NCEH1: variants seen among roughly 807,000 people sequenced by gnomAD.
NCEH1 encodes 2-acetyl MAGE hydrolase.
Under a neutral mutation model 25.4 loss-of-function variants are expected in NCEH1, and 9 were observed. That is an observed-to-expected ratio of 0.35 (90% CI 0.21 to 0.62). NCEH1 has a LOEUF of 0.62. NCEH1 is among the 20% of genes least tolerant of loss of function. The pLI is 0.72. For synonymous variants in NCEH1, 200 were observed against 199.8 expected, an observed-to-expected ratio of 1.00 and a Z score of -0.01; for missense variants, 412 against 501.1, an observed-to-expected ratio of 0.82 and a Z score of 1.70.
chr3:172,651,520 T>C (rs1717403813), intron 1 of NCEH1, among the ~76,000 whole-genome samples: 1 of 152,152 alleles, frequency 6.6e-6, no homozygotes, highest in African/African-American at 2.4e-5. Flanking sequence ...CGGGAGTTCC[T>C]TCCTTCCTTT....
At chr3:172,647,409 T>G (rs1200986656) in intron 2 of NCEH1, among the ~76,000 whole-genome samples, 4 of 152,240 alleles carry the variant, frequency 2.6e-5, no homozygotes, top group African/African-American at 9.6e-5. Flanking sequence ...TTTGCTTTCA[T>G]AAGCAGATAA....
intron 1 of NCEH1, among the ~76,000 whole-genome samples, chr3:172,671,759 G>T (rs1711648768): frequency 6.6e-6 from 1 of 151,670 alleles, no homozygotes; most frequent in Non-Finnish European, 1.5e-5. Context: ...CATGCACACA[G>T]GCACACACAT....
At chr3:172,708,707 A>C (rs1395951208) in intron 1 of NCEH1, among the ~76,000 whole-genome samples, 1 of 152,240 alleles carries the variant, frequency 6.6e-6, no homozygotes, top group Admixed American at 6.5e-5. Flanking sequence ...CACATAAATT[A>C]CTTCCAGTTT....
At chr3:172,667,143 G>C (rs1436094388) in intron 1 of NCEH1, among the ~76,000 whole-genome samples, 2 of 152,324 alleles carry the variant, frequency 1.3e-5, no homozygotes, top group Non-Finnish European at 2.9e-5. Flanking sequence ...GTTTTCAACA[G>C]TTAGGAGTAA....
At chr3:172,709,315 T>C (rs973949969) in intron 1 of NCEH1, among the ~76,000 whole-genome samples, 1 of 152,236 alleles carries the variant, frequency 6.6e-6, no homozygotes. Context: ...TTCCTCTGTT[T>C]AAGTTATTGT....
intron 1 of NCEH1, among the ~76,000 whole-genome samples, chr3:172,698,946 G>A (rs76876731): frequency 0.027 from 4,056 of 152,200 alleles, 142 homozygotes; most frequent in East Asian, 0.087. Context: ...TATCGTGAAT[G>A]GTCTTCAAAC....
chr3:172,701,367 C>CTG, intron 1 of NCEH1, among the ~76,000 whole-genome samples: 1 of 151,738 alleles, frequency 6.6e-6, no homozygotes, highest in Non-Finnish European at 1.5e-5. Context: ...AACAGCAACT[C>CTG]TGATCAGCTT....
intron 1 of NCEH1, among the ~76,000 whole-genome samples, chr3:172,707,471 G>A (rs781601960): frequency 6.8e-4 from 103 of 152,174 alleles, no homozygotes; most frequent in Admixed American, 2.0e-4. Flanking sequence ...AATATAACAC[G>A]CAGTTTAAGG....
chr3:172,649,104 C>A (rs1248001333), intron 1 of NCEH1, among the ~76,000 whole-genome samples: 1 of 152,274 alleles, frequency 6.6e-6, no homozygotes, highest in East Asian at 1.9e-4. Flanking sequence ...CTGTGCACAG[C>A]GTACGACGGT....
At chr3:172,691,493 T>C (rs921074066) in intron 1 of NCEH1, among the ~76,000 whole-genome samples, 23 of 152,304 alleles carry the variant, frequency 1.5e-4, no homozygotes, top group Non-Finnish European at 3.1e-4. Flanking sequence ...ATGTGAGTGT[T>C]TACTTTGTGC....
intron 1 of NCEH1, among the ~76,000 whole-genome samples, chr3:172,708,959 A>G (rs2108234712): frequency 6.6e-6 from 1 of 152,342 alleles, no homozygotes; most frequent in African/African-American, 2.4e-5. Flanking sequence ...ATCTGATCAT[A>G]ATGATCTTTC....
At chr3:172,677,373 A>C (rs1712069744) in intron 1 of NCEH1, among the ~76,000 whole-genome samples, 1 of 152,268 alleles carries the variant, frequency 6.6e-6, no homozygotes, top group Admixed American at 6.5e-5. Flanking sequence ...GATTCAGATG[A>C]TAATAAATTA....
At chr3:172,707,167 T>TA (rs141987349) in intron 1 of NCEH1, among the ~76,000 whole-genome samples, 99 of 149,534 alleles carry the variant, frequency 6.6e-4, no homozygotes, top group Non-Finnish European at 1.1e-3. Context: ...GATTACCATT[T>TA]AAAAAAAAAA....
chr3:172,710,497 G>A (rs1202076611), intron 1 of NCEH1, among the ~76,000 whole-genome samples: 1 of 152,264 alleles, frequency 6.6e-6, no homozygotes, highest in African/African-American at 2.4e-5. Flanking sequence ...GAGAACGACA[G>A]TGTGAAGAAG....
chr3:172,680,285 C>T (rs117301582), intron 1 of NCEH1, among the ~76,000 whole-genome samples: 39 of 152,244 alleles, frequency 2.6e-4, no homozygotes, highest in African/African-American at 8.9e-4. Context: ...CTTGTAATGA[C>T]GAAACTCAGG....
At chr3:172,671,582 T>TA (rs1409570591) in intron 1 of NCEH1, among the ~76,000 whole-genome samples, 3 of 151,972 alleles carry the variant, frequency 2.0e-5, no homozygotes, top group Non-Finnish European at 4.4e-5. Context: ...ATACACCTGC[T>TA]ACATGTGTGT....
In NCEH1 at chr3:172,634,023, A is replaced by C. The variant is rs752127085; in HGVS notation, c.679T>G (p.Leu227Val). 6.2e-7 allele frequency: 1 copy of C among 1,614,174 alleles called. No individual in the cohort carries two copies. Among genetic ancestry groups the C allele is most frequent in the Non-Finnish European group, 8.5e-7 (1 of 1,180,024 alleles). ...TGATAAGATGGTGTGTTAAAATCTA[A>C]AGCTTGAAGAACTGGATAAATTAAA... Reference protein sequence around the residue: ...QALIYPVLQALDFNTPSYQQN... With the variant: ...QALIYPVLQAVDFNTPSYQQN... Residue 227 changes from leucine to valine, a missense_variant, in exon 5 of 5, where the codon TTA becomes GTA. By Grantham distance (32) the Leu-to-Val change is conservative. Around this residue, in one of 3 missense-constraint regions of NCEH1, gnomAD observed 210 missense variants for 258.2 expected, o/e 0.81. Coordinates refer to ENST00000475381, the MANE Select transcript of NCEH1 (RefSeq NM_020792.6).
chr3:172,647,405 T>A (rs563627570), intron 2 of NCEH1, among the ~76,000 whole-genome samples: 1 of 152,354 alleles, frequency 6.6e-6, no homozygotes, highest in South Asian at 2.1e-4. Flanking sequence ...TACCTTTGCT[T>A]TCATAAGCAG....
At chr3:172,681,125 GAGA>G (rs1712350878) in intron 1 of NCEH1, 1 of 152,088 alleles carries the variant, frequency 6.6e-6, no homozygotes, top group Non-Finnish European at 1.5e-5. Context: ...GGTACCGGGG[GAGA>G]AGGAGGGGCA....
Sources: allele counts gnomAD v4.1 joint callset (sites outside exome capture counted in the v4.1 genomes callset), GRCh38; gene constraint gnomAD v4.1.1; regional missense constraint gnomAD v4.1.1; transcripts MANE v1.5; gene names NCBI Gene and HGNC (gene_info 2026-07-23, HGNC 2026-07-21).